Variants in ZNF608 observed in about 807,000 individuals in gnomAD.
The protein encoded by ZNF608 is renal carcinoma antigen NY-REN-36.
A neutral mutation model predicts 109.0 loss-of-function variants in ZNF608; 12 were observed. The ratio of observed to expected loss-of-function variants is 0.11; its 90% CI spans 0.07 to 0.18. The LOEUF (loss-of-function observed/expected upper bound fraction) is 0.18, where lower values mean the gene tolerates loss of function less well. Ranked by LOEUF, ZNF608 falls within the 10% of genes least tolerant of loss-of-function variation. The probability of loss-of-function intolerance (pLI) is 1.00; values close to 1 mark genes in which losing one functional copy is unlikely to be tolerated. For synonymous variants in ZNF608, 732 were observed against 717.4 expected (o/e 1.02, Z -0.33); for missense variants, 1,707 against 1,879.3 (o/e 0.91, Z 1.70).
At chr5:124,709,380 A>G (rs891709662) in intron 2 of ZNF608, among the ~76,000 whole-genome samples, 10 of 152,172 alleles carry the variant, frequency 6.6e-5, no homozygotes, top group Non-Finnish European at 1.3e-4. Flanking sequence ...TAGCCATGAC[A>G]GTTTTCAAAG....
Position 124,744,661 on chromosome 5 carries a change from T to A in ZNF608, c.329A>T (p.Lys110Ile). ...AGATTTATTAGCATCCTTAGAAGTT[T>A]TACTCCTTTTCACTTTTGATTTGCT... ...ETSKSKVKRS[K>I]TSKDANKSLP... Residue 110 changes from lysine to isoleucine, a missense_variant, in exon 2 of 10, where the codon AAA becomes ATA. By Grantham distance (102) the Lys-to-Ile change is moderately radical. Transcript: ENST00000513986. This position sits in a 1 kb window ranked among gnomAD's most constrained non-coding sequence, Gnocchi z 4.5. 1 of 1,614,192 alleles carries A rather than the reference T, an allele frequency of 6.2e-7. No individual in the cohort carries two copies. The highest frequency in any genetic ancestry group is 8.5e-7 in the Non-Finnish European group (1 of 1,180,038).
At chr5:124,678,332 G>GT (rs1304911323) in intron 3 of ZNF608, among the ~76,000 whole-genome samples, 3 of 152,162 alleles carry the variant, frequency 2.0e-5, no homozygotes, top group Admixed American at 2.0e-4. Context: ...CCATCAAATT[G>GT]TAATAGACTA....
intron 2 of ZNF608, among the ~76,000 whole-genome samples, chr5:124,711,247 C>T (rs1366219093): frequency 6.6e-6 from 1 of 152,234 alleles, no homozygotes; most frequent in African/African-American, 2.4e-5. Context: ...CAGAGAGAAC[C>T]TCTCTTCTAA....
intron 2 of ZNF608, chr5:124,734,767 A>G (rs1211138462): frequency 6.6e-6 from 1 of 152,260 alleles, no homozygotes; most frequent in Non-Finnish European, 1.5e-5. Flanking sequence ...CGTGTGGAAC[A>G]AAAGTCTTTG....
rs557616142 is a variant in ZNF608 at position 124,716,857 on chromosome 5, C to T, written c.907-15588G>A. Among the ~76,000 whole-genome samples, 133 of 152,060 alleles carry T rather than the reference C, an allele frequency of 8.7e-4. 1 individual carries two copies. Among genetic ancestry groups the T allele is most frequent in the African/African-American group, 3.1e-3 (129 of 41,494 alleles). On this transcript the variant is annotated intron_variant, in intron 2 of 9. Transcript: ENST00000513986. Reference sequence around the variant, plus strand: ...CAGCAGTTTGGGAGGCCGAGGCAGGCGAATCACCTGAGGTCGGGAGTTGGA... The same window carrying T: ...CAGCAGTTTGGGAGGCCGAGGCAGGTGAATCACCTGAGGTCGGGAGTTGGA...
chr5:124,641,085 A>G (rs1261914281), intron 8 of ZNF608, among the ~76,000 whole-genome samples, 167 bp downstream of exon 8: 1 of 152,212 alleles, frequency 6.6e-6, no homozygotes, highest in Non-Finnish European at 1.5e-5. Context: ...TAGAATACAA[A>G]GATGTGGGAA....
chr5:124,648,450 C>CTCA lies in ZNF608; in HGVS notation c.1931_1933dup (p.Met644dup), dbSNP rs1561535132. ...ACCAATAATGGAACCTGGGCCATTG[C>CTCA]TCATCAGCTCTCTCTTTCCCTTTGG... is the stretch of plus-strand genomic sequence containing the variant. On this transcript the variant is annotated inframe_insertion, in exon 5 of 10. Coordinates refer to ENST00000513986, the MANE Select transcript of ZNF608 (RefSeq NM_020747.3). 1 of 1,614,206 alleles carries CTCA rather than the reference C, an allele frequency of 6.2e-7. No homozygotes were observed. Among genetic ancestry groups the CTCA allele is most frequent in the South Asian group, 1.1e-5 (1 of 91,080 alleles).
At chr5:124,746,922 A>AT (rs1749659476), upstream of ZNF608, 1 of 122,820 alleles carries the variant, frequency 8.1e-6, no homozygotes. Flanking sequence ...TAAACCAGTT[A>AT]TAACAGCATT....
Position 124,646,917 on chromosome 5 carries a change from G to A in ZNF608, c.3467C>T (p.Ala1156Val). 6.2e-7 allele frequency: 1 copy of A among 1,613,986 alleles called. No homozygotes were observed. Among genetic ancestry groups the A allele is most frequent in the Non-Finnish European group, 8.5e-7 (1 of 1,179,954 alleles). ...TTTGTTAGGCTCCGGAGTAGAGGGA[G>A]CTTTTGAGATTGTGGCCGATGGCAT... ...KNMPSATISKAPSTPEPNKNH... is the reference protein window; with the variant it reads ...KNMPSATISKVPSTPEPNKNH... The change falls in exon 5 of 10, where the codon GCT (alanine) becomes GTT (valine). Residue 1156 changes from alanine (A) to valine (V), a missense_variant. Ala to Val is a moderately conservative substitution (Grantham distance 64, BLOSUM62 0). Coordinates refer to ENST00000513986, the MANE Select transcript of ZNF608 (RefSeq NM_020747.3).
At chr5:124,715,248 A>G (rs1305222238) in intron 2 of ZNF608, among the ~76,000 whole-genome samples, 4 of 152,214 alleles carry the variant, frequency 2.6e-5, no homozygotes, top group African/African-American at 7.2e-5. Flanking sequence ...TTACCAAGTC[A>G]GCTCATTTAC....
chr5:124,726,341 G>A (rs1445636396), intron 2 of ZNF608, among the ~76,000 whole-genome samples: 5 of 152,068 alleles, frequency 3.3e-5, no homozygotes, highest in Admixed American at 3.3e-4. Flanking sequence ...TCCAGCCCTG[G>A]CCTTCCTGTG....
intron 2 of ZNF608, among the ~76,000 whole-genome samples, chr5:124,719,831 G>A (rs930181318): frequency 5.3e-5 from 8 of 152,172 alleles, no homozygotes; most frequent in Non-Finnish European, 1.0e-4. Flanking sequence ...CCTAGGAGAT[G>A]AGAACTGACC....
At chr5:124,639,291 G>A (rs940839889) in intron 8 of ZNF608, 77 bp from the exon 9 acceptor site, 55 of 1,239,542 alleles carry the variant, frequency 4.4e-5, no homozygotes, top group East Asian at 1.7e-4. Context: ...GAGAAGGGCC[G>A]CAGACCTAGT....
In ZNF608 at chr5:124,648,273, CCTT is replaced by C; in HGVS notation, c.2108_2110del (p.Glu703del). ...TCCTAAATTTTTCTTGTCAATTAATCCTTCTGCTTCCAGTTTAGGCATCTCAGC... is the reference window on the plus strand; with the variant it reads ...TCCTAAATTTTTCTTGTCAATTAATCCTGCTTCCAGTTTAGGCATCTCAGC... On this transcript the variant is annotated inframe_deletion, in exon 5 of 10. Transcript: ENST00000513986. 2.5e-6 allele frequency: 4 copies of C among 1,614,182 alleles called. No homozygotes were observed. Among genetic ancestry groups the C allele is most frequent in the South Asian group, 1.1e-5 (1 of 91,084 alleles).
chr5:124,641,384 C>T lies in ZNF608; in HGVS notation c.4318G>A (p.Glu1440Lys). ...TCCCTTTCTGCCTCCCGTTCCCGCTCAGCTGTAGCCTTTTCCACAGGCTGC... is the reference window on the plus strand; with the variant it reads ...TCCCTTTCTGCCTCCCGTTCCCGCTTAGCTGTAGCCTTTTCCACAGGCTGC... ...SPAPVEKATAEREREAERERD... is the reference protein window; with the variant it reads ...SPAPVEKATAKREREAERERD... Residue 1440 changes from glutamate to lysine, a missense_variant, in exon 8 of 10, where the codon GAG becomes AAG. Physicochemically the swap from Glu to Lys is moderately conservative, Grantham distance 56. Coordinates refer to ENST00000513986, the MANE Select transcript of ZNF608 (RefSeq NM_020747.3). 1 of 1,611,706 alleles carries T rather than the reference C, an allele frequency of 6.2e-7. No individual in the cohort carries two copies. Among genetic ancestry groups the T allele is most frequent in the Non-Finnish European group, 8.5e-7 (1 of 1,178,640 alleles).
chr5:124,690,058 T>C (rs910887879), intron 3 of ZNF608, among the ~76,000 whole-genome samples: 1 of 152,114 alleles, frequency 6.6e-6, no homozygotes, highest in Non-Finnish European at 1.5e-5. Flanking sequence ...AAGCATTGAG[T>C]TATTGAGCCA....
chr5:124,735,670 TTTCTAC>T (rs2149897571), intron 2 of ZNF608, among the ~76,000 whole-genome samples: 1 of 152,332 alleles, frequency 6.6e-6, no homozygotes, highest in Admixed American at 6.5e-5. Flanking sequence ...AGCTGCTCCC[TTTCTAC>T]TTCAGTGTCT....
At chr5:124,729,510 A>G (rs780641564) in intron 2 of ZNF608, among the ~76,000 whole-genome samples, 26 of 152,238 alleles carry the variant, frequency 1.7e-4, no homozygotes, top group Non-Finnish European at 2.9e-4. Context: ...TTAAGAACAG[A>G]ACATAGTAAA....
At chr5:124,706,696 A>G (rs1753271225) in intron 2 of ZNF608, among the ~76,000 whole-genome samples, 3 of 152,208 alleles carry the variant, frequency 2.0e-5, no homozygotes, top group African/African-American at 2.4e-5. Flanking sequence ...TTAGAACCCA[A>G]AAAAAGAGGA....
Sources: gnomAD v4.1 joint callset for allele counts (sites outside exome capture counted in the v4.1 genomes callset) on GRCh38, gnomAD v4.1.1 for gene constraint, Gnocchi (gnomAD v3.1) non-coding constraint, MANE v1.5 for transcripts, NCBI Gene and HGNC (gene_info 2026-07-23, HGNC 2026-07-21) for gene names.